VAV3: variants seen among roughly 807,000 people sequenced by gnomAD.
VAV3 encodes vav guanine nucleotide exchange factor 3, also known as guanine nucleotide exchange factor VAV3.
Under a neutral mutation model 131.2 loss-of-function variants are expected in VAV3, and 94 were observed. That is an observed-to-expected ratio of 0.72 (90% CI 0.61 to 0.85). The LOEUF is 0.85. Among genes scored for constraint, VAV3 ranks in the 40% least tolerant of loss-of-function variants. The pLI is 0.00. For synonymous variants in VAV3, 349 were observed against 342.0 expected, an observed-to-expected ratio of 1.02 and a Z score of -0.22; for missense variants, 939 against 1,002.7, an observed-to-expected ratio of 0.94 and a Z score of 0.86.
intron 25 of VAV3, among the ~76,000 whole-genome samples, chr1:107,576,095 A>G (rs1343435598): frequency 6.6e-6 from 1 of 152,034 alleles, no homozygotes; most frequent in Non-Finnish European, 1.5e-5. Context: ...AAAAATAATG[A>G]TTTTATAGAT....
chr1:107,650,597 T>C (rs1032990547), intron 19 of VAV3, among the ~76,000 whole-genome samples: 7 of 151,026 alleles, frequency 4.6e-5, no homozygotes, highest in Non-Finnish European at 7.4e-5. Flanking sequence ...TTAGGGCACA[T>C]GTGCACAATG....
intron 15 of VAV3, among the ~76,000 whole-genome samples, chr1:107,706,960 T>C (rs767440939): frequency 1.5e-4 from 23 of 152,172 alleles, no homozygotes; most frequent in Non-Finnish European, 2.6e-4. Flanking sequence ...ATACCGGAGT[T>C]GTGTTTGGAC....
At chr1:107,606,958 CTT>C (rs11392912) in intron 22 of VAV3, among the ~76,000 whole-genome samples, 1 of 144,500 alleles carries the variant, frequency 6.9e-6, no homozygotes, top group African/African-American at 2.6e-5. Flanking sequence ...GGAGTCTGAT[CTT>C]TTTTTTTTTT....
At chr1:107,693,088 C>T (rs1390831811) in intron 17 of VAV3, among the ~76,000 whole-genome samples, 2 of 152,116 alleles carry the variant, frequency 1.3e-5, no homozygotes, top group Admixed American at 1.3e-4. Flanking sequence ...ATTACATTAG[C>T]TTTGCAGTGA....
chr1:107,822,163 G>T (rs571546373), intron 2 of VAV3, among the ~76,000 whole-genome samples: 3 of 152,254 alleles, frequency 2.0e-5, no homozygotes, highest in Middle Eastern at 3.4e-3. Context: ...CCTGGTGGGT[G>T]AGAGTTCCAC....
intron 2 of VAV3, among the ~76,000 whole-genome samples, chr1:107,835,665 G>T (rs1031852881): frequency 6.6e-6 from 1 of 152,184 alleles, no homozygotes; most frequent in African/African-American, 2.4e-5. Flanking sequence ...CCACCAGAAG[G>T]AGATCAGTCA....
chr1:107,824,705 T>G (rs1667939697), intron 2 of VAV3, among the ~76,000 whole-genome samples: 1 of 152,182 alleles, frequency 6.6e-6, no homozygotes, highest in Non-Finnish European at 1.5e-5. Context: ...AATATTTCAA[T>G]ATATTAATTG....
At chr1:107,787,294 T>A (rs1443732494) in intron 2 of VAV3, among the ~76,000 whole-genome samples, 3 of 152,080 alleles carry the variant, frequency 2.0e-5, no homozygotes, top group African/African-American at 7.2e-5. Flanking sequence ...AGACACACAC[T>A]CCAAAAGCTT....
intron 1 of VAV3, among the ~76,000 whole-genome samples, chr1:107,939,260 T>C (rs948935634): frequency 2.0e-5 from 3 of 152,208 alleles, no homozygotes; most frequent in Non-Finnish European, 4.4e-5. Flanking sequence ...AGTCCAAAAA[T>C]GTTAAATTCT....
intron 24 of VAV3, among the ~76,000 whole-genome samples, chr1:107,598,610 A>G (rs560113861): frequency 1.6e-4 from 24 of 152,322 alleles, no homozygotes; most frequent in African/African-American, 5.8e-4. Context: ...AAGCAAAGAG[A>G]AAAAGAAACA....
chr1:107,581,056 T>C (rs1353307210), intron 25 of VAV3, among the ~76,000 whole-genome samples: 3 of 152,198 alleles, frequency 2.0e-5, no homozygotes, highest in Non-Finnish European at 4.4e-5. Context: ...CTGCCTAACA[T>C]TATAGACAAC....
intron 25 of VAV3, among the ~76,000 whole-genome samples, chr1:107,588,511 T>G (rs1650682894): frequency 6.6e-6 from 1 of 152,160 alleles, no homozygotes; most frequent in Admixed American, 6.5e-5. Context: ...GCAAAACACA[T>G]AGCACTTCCC....
chr1:107,882,416 A>AC (rs1402877577), intron 1 of VAV3, among the ~76,000 whole-genome samples: 2 of 152,174 alleles, frequency 1.3e-5, no homozygotes, highest in African/African-American at 4.8e-5. Context: ...GGCAGTTTCG[A>AC]AAGGCACAGA....
intron 1 of VAV3, among the ~76,000 whole-genome samples, chr1:107,959,940 C>A (rs903077920): frequency 2.0e-5 from 3 of 152,186 alleles, no homozygotes; most frequent in African/African-American, 7.2e-5. Context: ...GGCAAAAATT[C>A]TGGAGACATA....
chr1:107,716,893 T>C (rs1661130425), intron 15 of VAV3, among the ~76,000 whole-genome samples: 1 of 152,204 alleles, frequency 6.6e-6, no homozygotes, highest in Admixed American at 6.5e-5. Context: ...TGGTAAGCTA[T>C]TAATTATTGC....
intron 1 of VAV3, among the ~76,000 whole-genome samples, chr1:107,950,900 C>A (rs896809301): frequency 1.3e-5 from 2 of 152,156 alleles, no homozygotes; most frequent in African/African-American, 4.8e-5. Context: ...GGAGAGAGAG[C>A]AAGCCTCTTT....
At chr1:107,927,222 T>C (rs755108679) in intron 1 of VAV3, among the ~76,000 whole-genome samples, 17 of 152,046 alleles carry the variant, frequency 1.1e-4, no homozygotes, top group Non-Finnish European at 2.2e-4. Flanking sequence ...CATGAAGCGA[T>C]GGACTCAGTT....
chr1:107,774,421 G>A (rs1026860065), intron 4 of VAV3, among the ~76,000 whole-genome samples: 19 of 152,252 alleles, frequency 1.2e-4, no homozygotes, highest in Middle Eastern at 3.4e-3. Context: ...GAGTGCATGC[G>A]TGCATGCAAG....
intron 2 of VAV3, among the ~76,000 whole-genome samples, chr1:107,830,305 A>G (rs1202696089): frequency 6.6e-6 from 1 of 151,770 alleles, no homozygotes; most frequent in Non-Finnish European, 1.5e-5. Context: ...TGGCCTCAAG[A>G]GATCCTCGTG....
Sources: gnomAD v4.1 joint callset for allele counts (sites outside exome capture counted in the v4.1 genomes callset) on GRCh38, gnomAD v4.1.1 for gene constraint, MANE v1.5 for transcripts, NCBI Gene and HGNC (gene_info 2026-07-23, HGNC 2026-07-21) for gene names.